Variants in CFDP1 observed in about 807,000 individuals in gnomAD.
CFDP1 encodes chromatin remodeling protein CFDP1.
CFDP1 carries 31 observed loss-of-function variants against 40.1 expected under a neutral mutation model. The observed-to-expected ratio is 0.77, with a 90% CI of 0.58 to 1.04. The LOEUF (loss-of-function observed/expected upper bound fraction) is 1.04, where lower values mean the gene tolerates loss of function less well. Ranked by LOEUF, CFDP1 falls within the 50% of genes least tolerant of loss-of-function variation. The pLI is 0.00. For synonymous variants in CFDP1, 167 were observed against 120.0 expected (o/e 1.39, Z -2.56); for missense variants, 423 against 343.4 (o/e 1.23, Z -1.83).
At chr16:75,379,009 A>G (rs11860284) in intron 5 of CFDP1, among the ~76,000 whole-genome samples, 79,423 of 151,716 alleles carry the variant, frequency 0.52, 21,733 homozygotes, top group Admixed American at 0.64. Flanking sequence ...TGGGTCAAAA[A>G]GAAAGTCTCA....
intron 1 of CFDP1, among the ~76,000 whole-genome samples, chr16:75,416,464 TAA>T (rs147793433): frequency 1.8e-3 from 249 of 141,444 alleles, no homozygotes; most frequent in Middle Eastern, 3.5e-3. Context: ...AAAAGAGATT[TAA>T]AAAAAAAAAA....
At chr16:75,432,410 G>C (rs529258285) in intron 1 of CFDP1, among the ~76,000 whole-genome samples, 49 of 143,542 alleles carry the variant, frequency 3.4e-4, no homozygotes, top group Middle Eastern at 3.7e-3. Flanking sequence ...AAATTAGCGG[G>C]CGTGGCAGCC....
chr16:75,381,243 T>C (rs1378900284), intron 5 of CFDP1: 1 of 152,132 alleles, frequency 6.6e-6, no homozygotes, highest in Non-Finnish European at 1.5e-5. Context: ...ATGGGAGGAA[T>C]GCCTGAAGGC....
intron 5 of CFDP1, among the ~76,000 whole-genome samples, chr16:75,350,348 C>A (rs1335005165): frequency 2.6e-5 from 4 of 152,152 alleles, no homozygotes; most frequent in Non-Finnish European, 4.4e-5. Flanking sequence ...TATATCCAAC[C>A]AGCAAGGTAT....
At chr16:75,394,329 AAAAG>A (rs1228857727) in intron 5 of CFDP1, among the ~76,000 whole-genome samples, 18 of 152,362 alleles carry the variant, frequency 1.2e-4, no homozygotes, top group Admixed American at 7.2e-4. Context: ...ACTTCTTCCA[AAAAG>A]AAAGAATTCT....
intron 4 of CFDP1, among the ~76,000 whole-genome samples, chr16:75,407,816 C>T (rs1429664332): frequency 1.3e-5 from 2 of 151,732 alleles, no homozygotes; most frequent in Admixed American, 6.6e-5. Flanking sequence ...TTTGAAAACA[C>T]AGTATCACAG....
chr16:75,406,249 T>C (rs1053871319), intron 4 of CFDP1, among the ~76,000 whole-genome samples: 3 of 151,970 alleles, frequency 2.0e-5, no homozygotes, highest in Non-Finnish European at 2.9e-5. Flanking sequence ...GGGTGACCAA[T>C]GCCTATATTC....
chr16:75,418,509 C>A (rs2079236952), intron 1 of CFDP1, among the ~76,000 whole-genome samples: 1 of 151,792 alleles, frequency 6.6e-6, no homozygotes, highest in Non-Finnish European at 1.5e-5. Context: ...TGGGGTTTCA[C>A]CATGTTAGCC....
In CFDP1 at chr16:75,414,492, T is replaced by C. The variant is rs1488392843; in HGVS notation, c.182+86A>G. On this transcript the variant is annotated intron_variant, in intron 2 of 6. Transcript: ENST00000283882. ...AAAAGGGTTAGAAACTCTGGCTTCA[T>C]TAAATCTATCATGAGACCAATCTTA... 13 of 804,836 alleles carry C rather than the reference T, an allele frequency of 1.6e-5. No homozygotes were observed. In the East Asian group the frequency reaches 3.2e-4, roughly 20 times the overall value. The allele number at this position is 804,836 out of a possible 1,614,324, so 49.9% of individuals were successfully genotyped here.
intron 5 of CFDP1, among the ~76,000 whole-genome samples, chr16:75,317,988 G>A (rs1025359347): frequency 6.6e-6 from 1 of 152,064 alleles, no homozygotes; most frequent in Non-Finnish European, 1.5e-5. Flanking sequence ...AAGCATGGTG[G>A]TACATACCTG....
chr16:75,347,504 C>G (rs1177555905), intron 5 of CFDP1, among the ~76,000 whole-genome samples: 2 of 151,720 alleles, frequency 1.3e-5, no homozygotes, highest in Non-Finnish European at 1.5e-5. Flanking sequence ...ACGGTGAAAC[C>G]CTGTCTCTAC....
chr16:75,319,035 A>G (rs552964640), intron 5 of CFDP1, among the ~76,000 whole-genome samples: 2 of 152,272 alleles, frequency 1.3e-5, no homozygotes, highest in South Asian at 2.1e-4. Context: ...CTCCCTCTCA[A>G]TACCAAACTT....
chr16:75,326,657 C>T (rs1000993046), intron 5 of CFDP1, among the ~76,000 whole-genome samples: 2 of 152,102 alleles, frequency 1.3e-5, no homozygotes, highest in Non-Finnish European at 2.9e-5. Flanking sequence ...TGCTGGGGAC[C>T]GTGGTGCCTG....
At chr16:75,407,050 A>G (rs1053705579) in intron 4 of CFDP1, among the ~76,000 whole-genome samples, 8 of 152,132 alleles carry the variant, frequency 5.3e-5, no homozygotes, top group African/African-American at 1.9e-4. Context: ...CAAATAAATG[A>G]AATAAAATAA....
chr16:75,416,551 A>G (rs2079207982), intron 1 of CFDP1, among the ~76,000 whole-genome samples: 1 of 151,682 alleles, frequency 6.6e-6, no homozygotes, highest in African/African-American at 2.4e-5. Context: ...GCCTGAGCCC[A>G]GGAGTTGAAG....
Position 75,433,451 on chromosome 16 carries a change from C to CG in CFDP1, c.-100dup. 4 of 1,238,694 alleles carry CG rather than the reference C, an allele frequency of 3.2e-6. No individual in the cohort carries two copies. The highest frequency in any genetic ancestry group is 4.6e-6 in the Non-Finnish European group (4 of 878,294). 76.7% of individuals were successfully genotyped at this position (1,238,694 alleles called of 1,614,324 possible). A position where few individuals can be genotyped will look rare whatever the true frequency, so the allele number is the denominator to read the frequency against. ...GACCATAGAGCCCCGGCGGCGGCGA[C>CG]GGCAGCTAGGGCGGCCCCCGACAGC... On this transcript the variant is annotated 5_prime_UTR_variant, in exon 1 of 7. The change creates a premature stop within an existing upstream ORF in the 5' untranslated region. Coordinates refer to ENST00000283882, the MANE Select transcript of CFDP1 (RefSeq NM_006324.3).
chr16:75,316,975 T>C (rs184259491), intron 5 of CFDP1, among the ~76,000 whole-genome samples: 19 of 151,522 alleles, frequency 1.3e-4, no homozygotes, highest in Non-Finnish European at 2.2e-4. Flanking sequence ...GAGTGAAAAC[T>C]CCGTCTCAAA....
intron 5 of CFDP1, among the ~76,000 whole-genome samples, chr16:75,392,576 C>T (rs117413481): frequency 0.067 from 10,194 of 152,240 alleles, 376 homozygotes; most frequent in Middle Eastern, 0.13. Context: ...CAGCTCACTT[C>T]GACCTCTGCC....
intron 5 of CFDP1, among the ~76,000 whole-genome samples, chr16:75,352,747 G>C (rs2078621780): frequency 6.6e-6 from 1 of 152,000 alleles, no homozygotes; most frequent in Admixed American, 6.6e-5. Flanking sequence ...TTCCAGTACA[G>C]TATTTGATAA....
Sources: allele counts gnomAD v4.1 joint callset (sites outside exome capture counted in the v4.1 genomes callset), GRCh38; gene constraint gnomAD v4.1.1; transcripts MANE v1.5; gene names NCBI Gene and HGNC (gene_info 2026-07-23, HGNC 2026-07-21).